Variants in NOP58 observed in about 807,000 individuals in gnomAD.
NOP58 encodes NOP58 ribonucleoprotein.
Under a neutral mutation model 71.2 loss-of-function variants are expected in NOP58, and 44 were observed. The ratio of observed to expected loss-of-function variants is 0.62; its 90% CI spans 0.49 to 0.79. The LOEUF (loss-of-function observed/expected upper bound fraction) is 0.79. NOP58 is among the 30% of genes least tolerant of loss of function. The pLI, the probability that NOP58 is intolerant of heterozygous loss-of-function variation, is 0.00. For missense variants in NOP58, 538 were observed against 620.2 expected (o/e 0.87, Z 1.41); for synonymous variants, 228 against 200.3 (o/e 1.14, Z -1.17).
At chr2:202,291,059 A>G (rs1193182266) in intron 7 of NOP58, 66 bp from the exon 8 acceptor site, 15 of 1,375,600 alleles carry the variant, frequency 1.1e-5, no homozygotes, top group Admixed American at 5.3e-5. Context: ...TCTTTTGACT[A>G]TTTGCTGGAT....
intron 5 of NOP58, among the ~76,000 whole-genome samples, chr2:202,286,107 G>A (rs1404308973): frequency 3.3e-5 from 5 of 149,808 alleles, no homozygotes; most frequent in South Asian, 4.3e-4. Flanking sequence ...GCGTGAACCC[G>A]GGAGGCAGAG....
intron 12 of NOP58, among the ~76,000 whole-genome samples, chr2:202,299,674 ACATTTTAGGCACT>A (rs1261503028): frequency 6.6e-6 from 1 of 152,124 alleles, no homozygotes; most frequent in Non-Finnish European, 1.5e-5. Context: ...GCATCCATTC[ACATTTTAGGCACT>A]CATTTCAGTA....
At position 202,282,212 on chromosome 2, in the gene NOP58, A is replaced by G. The variant is rs553888168; in HGVS notation, c.176-139A>G. On this transcript the variant is annotated intron_variant, in intron 3 of 14. Transcript: ENST00000264279. The stretch of plus-strand genomic sequence containing the variant: ...GTGAAACATGTAACTTATAAAACAT[A>G]TATCATTTCATTTCAGAAGTAACAT... 8.8e-5 allele frequency: 58 copies of G among 659,118 alleles called. No individual in the cohort carries two copies. In the Middle Eastern group the frequency reaches 3.0e-3, roughly 34 times the overall value. The allele number at this position is 659,118 out of a possible 1,614,324, so 40.8% of individuals were successfully genotyped here. A position where few individuals can be genotyped will look rare whatever the true frequency, so the allele number is the denominator to read the frequency against.
intron 9 of NOP58, 41 bp from the exon 10 acceptor site, chr2:202,295,633 A>G (rs775032395): frequency 2.1e-6 from 3 of 1,453,054 alleles, no homozygotes; most frequent in African/African-American, 2.8e-5. Flanking sequence ...GAACATTCAT[A>G]TATTTGGAGG....
At chr2:202,281,123 T>C (rs993039707) in intron 3 of NOP58, among the ~76,000 whole-genome samples, 1 of 148,394 alleles carries the variant, frequency 6.7e-6, no homozygotes, top group African/African-American at 2.6e-5. Flanking sequence ...CATTTTTCTT[T>C]TCTTTTTCTT....
At chr2:202,298,545 T>C (rs1384522434) in intron 12 of NOP58, among the ~76,000 whole-genome samples, 3 of 151,980 alleles carry the variant, frequency 2.0e-5, no homozygotes, top group Non-Finnish European at 2.9e-5. Context: ...GGCAGGAGAA[T>C]TGCTTGAAAC....
chr2:202,270,635 T>G (rs1469218751), intron 1 of NOP58, among the ~76,000 whole-genome samples: 1 of 151,980 alleles, frequency 6.6e-6, no homozygotes, highest in Non-Finnish European at 1.5e-5. Flanking sequence ...ACAGTGGTGC[T>G]TGCCTGTAGT....
chr2:202,274,116 T>C (rs1049138936), intron 1 of NOP58, among the ~76,000 whole-genome samples: 2 of 152,254 alleles, frequency 1.3e-5, no homozygotes, highest in Non-Finnish European at 2.9e-5. Flanking sequence ...TAGATGTGTC[T>C]CACAATTGAC....
intron 13 of NOP58, among the ~76,000 whole-genome samples, chr2:202,301,500 T>C (rs1689093003): frequency 6.6e-6 from 1 of 152,160 alleles, no homozygotes; most frequent in African/African-American, 2.4e-5. Flanking sequence ...ATTTTCTATA[T>C]GTGACAATTC....
chr2:202,297,325 A>G, intron 10 of NOP58, 54 bp from the exon 11 acceptor site: 1 of 1,491,898 alleles, frequency 6.7e-7, no homozygotes. Context: ...CATCCAAGTT[A>G]TTGAGGATTT....
chr2:202,291,532 C>T (rs184441233), intron 8 of NOP58: 7 of 248,034 alleles, frequency 2.8e-5, no homozygotes, highest in East Asian at 8.4e-5. Flanking sequence ...GAAGGCCAGG[C>T]GCGTTGGCTC....
At chr2:202,279,777 G>C (rs1040582591) in intron 3 of NOP58, among the ~76,000 whole-genome samples, 1 of 152,154 alleles carries the variant, frequency 6.6e-6, no homozygotes, top group African/African-American at 2.4e-5. Context: ...CTGGGCAACA[G>C]AGCGAGACTC....
intron 13 of NOP58, among the ~76,000 whole-genome samples, chr2:202,300,786 C>T (rs1401809257): frequency 6.6e-6 from 1 of 152,142 alleles, no homozygotes. Context: ...TACTGGTAGC[C>T]TGCCGTCATA....
In NOP58 at chr2:202,279,010, A is replaced by G. The variant is rs557218046; in HGVS notation, c.175+1008A>G. Among the ~76,000 whole-genome samples, 54 of 152,334 alleles carry G rather than the reference A, an allele frequency of 3.5e-4. 1 individual carries two copies. In the Middle Eastern group the frequency reaches 0.01, roughly 29 times the overall value. ...TCAGTAATTAGAGTTATATACAGCC[A>G]TAAAAAAAACTGTGGTAATATTAAC... On this transcript the variant is annotated intron_variant, in intron 3 of 14. Transcript: ENST00000264279.
chr2:202,299,482 C>G (rs956229132), intron 12 of NOP58, among the ~76,000 whole-genome samples: 2 of 152,114 alleles, frequency 1.3e-5, no homozygotes, highest in African/African-American at 4.8e-5. Context: ...CTTATTATCT[C>G]TAGTTGACAA....
intron 9 of NOP58, among the ~76,000 whole-genome samples, chr2:202,295,201 C>T (rs1688970862): frequency 6.6e-6 from 1 of 152,178 alleles, no homozygotes; most frequent in African/African-American, 2.4e-5. Context: ...TAATTTACCA[C>T]ACAAAGTGAA....
At chr2:202,269,791 C>T (rs896356515) in intron 1 of NOP58, among the ~76,000 whole-genome samples, 1 of 152,184 alleles carries the variant, frequency 6.6e-6, no homozygotes, top group African/African-American at 2.4e-5. Context: ...CCTTGTGTCA[C>T]GTGGCACACA....
At chr2:202,274,214 G>A (rs532387072) in intron 1 of NOP58, among the ~76,000 whole-genome samples, 1 of 151,580 alleles carries the variant, frequency 6.6e-6, no homozygotes, top group African/African-American at 2.4e-5. Flanking sequence ...GTAGACAAAA[G>A]TTTTTTTTGT....
intron 1 of NOP58, among the ~76,000 whole-genome samples, chr2:202,274,287 G>A (rs983937091): frequency 6.6e-6 from 1 of 151,856 alleles, no homozygotes; most frequent in Non-Finnish European, 1.5e-5. Flanking sequence ...GAGTGCAGTC[G>A]CGCAATCTCG....
Sources: allele counts gnomAD v4.1 joint callset (sites outside exome capture counted in the v4.1 genomes callset), GRCh38; gene constraint gnomAD v4.1.1; transcripts MANE v1.5; gene names NCBI Gene and HGNC (gene_info 2026-07-23, HGNC 2026-07-21).